The following SLC41A2 variants were observed in gnomAD, a reference collection of about 807,000 sequenced individuals.
SLC41A2 encodes the protein solute carrier family 41 member 2.
A neutral mutation model predicts 58.3 loss-of-function variants in SLC41A2; 32 were observed. That is an observed-to-expected ratio of 0.55 (90% CI 0.41 to 0.74). SLC41A2 has a LOEUF of 0.74. SLC41A2 is among the 30% of genes least tolerant of loss of function. The pLI is 0.00. For missense variants in SLC41A2, 514 were observed against 680.6 expected, an observed-to-expected ratio of 0.76 and a Z score of 2.72; for synonymous variants, 190 against 235.0, an observed-to-expected ratio of 0.81 and a Z score of 1.75.
At chr12:104,808,033 T>C (rs956764643) in intron 10 of SLC41A2, among the ~76,000 whole-genome samples, 13 of 152,214 alleles carry the variant, frequency 8.5e-5, no homozygotes, top group Non-Finnish European at 1.8e-4. Flanking sequence ...TGACTTCCTC[T>C]TTTCCTTAAT....
At chr12:104,918,633 A>AAAAT (rs1565900745) in intron 2 of SLC41A2, among the ~76,000 whole-genome samples, 1 of 151,070 alleles carries the variant, frequency 6.6e-6, no homozygotes, top group African/African-American at 2.4e-5. Context: ...TACATGAAAA[A>AAAAT]AAAAAAAAAA....
chr12:104,955,016 C>CTTTTT lies in SLC41A2; in HGVS notation c.-168+3067_-168+3071dup, dbSNP rs375969264. Among the ~76,000 whole-genome samples the CTTTTT allele has an allele frequency of 3.8e-3, 297 of 79,102 alleles. 5 individuals are homozygous for CTTTTT. Among genetic ancestry groups the CTTTTT allele is most frequent in the African/African-American group, 6.7e-3 (129 of 19,226 alleles). The allele number at this position is 79,102 out of a possible 152,430, so 51.9% of individuals were successfully genotyped here. A position where few individuals can be genotyped will look rare whatever the true frequency, so the allele number is the denominator to read the frequency against. ...AACAGCCCCTGACTCTTGGCCCTTG[C>CTTTTT]TTTTTTTTTTTTTTTTTTTTTTTTG... On this transcript the variant is annotated intron_variant, in intron 1 of 10. Coordinates refer to ENST00000258538, the MANE Select transcript of SLC41A2 (RefSeq NM_001352171.3).
intron 6 of SLC41A2, among the ~76,000 whole-genome samples, chr12:104,876,992 G>T (rs1449962068): frequency 6.6e-6 from 1 of 152,056 alleles, no homozygotes; most frequent in African/African-American, 2.4e-5. Flanking sequence ...ATTTACAATT[G>T]TTATATCTTC....
At chr12:104,815,815 A>T (rs2041375326) in intron 10 of SLC41A2, among the ~76,000 whole-genome samples, 1 of 152,180 alleles carries the variant, frequency 6.6e-6, no homozygotes, top group Non-Finnish European at 1.5e-5. Flanking sequence ...GCTAAGAATA[A>T]TTTAGCATTA....
At chr12:104,924,290 T>C (rs2046737741) in intron 2 of SLC41A2, among the ~76,000 whole-genome samples, 4 of 151,892 alleles carry the variant, frequency 2.6e-5, no homozygotes, top group Admixed American at 2.6e-4. Flanking sequence ...GAATATAGAG[T>C]ATTGAGATCT....
chr12:104,898,934 C>T (rs1298229160), intron 3 of SLC41A2, among the ~76,000 whole-genome samples: 1 of 152,160 alleles, frequency 6.6e-6, no homozygotes, highest in Non-Finnish European at 1.5e-5. Flanking sequence ...TAGCACTACA[C>T]ACCTATTAAA....
In SLC41A2 at chr12:104,843,241, C is replaced by A. The variant is rs190706152; in HGVS notation, c.1536+1231G>T. 5.3e-5 allele frequency among the ~76,000 whole-genome samples: 8 copies of A among 151,674 alleles called. 1 individual carries two copies. Among genetic ancestry groups the A allele is most frequent in the Admixed American group, 4.6e-4 (7 of 15,162 alleles). Reference sequence around the variant, plus strand: ...GTGGCCTTCCCTCTAGACTACGAGACCTTGAGCACAGAGTCTGAACTTATT... The same window carrying A: ...GTGGCCTTCCCTCTAGACTACGAGAACTTGAGCACAGAGTCTGAACTTATT... On this transcript the variant is annotated intron_variant, in intron 10 of 10. Transcript: ENST00000258538.
intron 7 of SLC41A2, among the ~76,000 whole-genome samples, chr12:104,864,968 C>T (rs890318280): frequency 6.6e-6 from 1 of 151,894 alleles, no homozygotes; most frequent in African/African-American, 2.4e-5. Context: ...TCTAGCAATC[C>T]TTTACTGGCT....
chr12:104,934,232 T>C, intron 1 of SLC41A2, among the ~76,000 whole-genome samples: 1 of 152,218 alleles, frequency 6.6e-6, no homozygotes, highest in East Asian at 1.9e-4. Context: ...CAGTTTCCAC[T>C]GGCTTTACTG....
At chr12:104,916,731 T>C (rs1336452140) in intron 2 of SLC41A2, among the ~76,000 whole-genome samples, 2 of 152,172 alleles carry the variant, frequency 1.3e-5, no homozygotes, top group African/African-American at 4.8e-5. Flanking sequence ...GGAAAGAATT[T>C]CCTATTTAAT....
chr12:104,824,788 C>A (rs2041778123), intron 10 of SLC41A2, among the ~76,000 whole-genome samples: 1 of 152,160 alleles, frequency 6.6e-6, no homozygotes, highest in South Asian at 2.1e-4. Context: ...AGCAGCTGGG[C>A]ACTGAAGAAG....
chr12:104,844,725 T>C (rs1396421404), intron 9 of SLC41A2, 105 bp from the exon 10 acceptor site: 4 of 471,912 alleles, frequency 8.5e-6, no homozygotes, highest in Non-Finnish European at 1.4e-5. Context: ...CTATACTTCA[T>C]ACTATCACAT....
intron 3 of SLC41A2, among the ~76,000 whole-genome samples, chr12:104,903,031 T>G (rs1474073738): frequency 6.6e-6 from 1 of 152,192 alleles, no homozygotes; most frequent in African/African-American, 2.4e-5. Context: ...TTGCTTTTAC[T>G]CCTCTCAGAT....
At chr12:104,821,978 T>G (rs1269500999) in intron 10 of SLC41A2, among the ~76,000 whole-genome samples, 2 of 152,214 alleles carry the variant, frequency 1.3e-5, no homozygotes, top group Non-Finnish European at 2.9e-5. Context: ...TAGTTACACC[T>G]GCCATGGACA....
At chr12:104,892,021 C>G (rs187221684) in intron 4 of SLC41A2, among the ~76,000 whole-genome samples, 2 of 151,908 alleles carry the variant, frequency 1.3e-5, no homozygotes, top group Non-Finnish European at 2.9e-5. Flanking sequence ...TAAAACAGGC[C>G]GGGAGCAGTG....
chr12:104,927,342 C>T (rs2046883293), intron 2 of SLC41A2, among the ~76,000 whole-genome samples: 1 of 152,048 alleles, frequency 6.6e-6, no homozygotes, highest in African/African-American at 2.4e-5. Flanking sequence ...TTGGTATATA[C>T]ATACAATGGA....
intron 2 of SLC41A2, among the ~76,000 whole-genome samples, chr12:104,924,140 C>A (rs1444049255): frequency 6.6e-6 from 1 of 152,060 alleles, no homozygotes; most frequent in African/African-American, 2.4e-5. Flanking sequence ...GAAAGATGGA[C>A]AAAGAAAGCT....
intron 10 of SLC41A2, among the ~76,000 whole-genome samples, chr12:104,813,451 A>C (rs1356982332): frequency 1.3e-5 from 2 of 152,184 alleles, no homozygotes; most frequent in Non-Finnish European, 2.9e-5. Context: ...GACAACTAGA[A>C]GTCAATAGAT....
intron 8 of SLC41A2, among the ~76,000 whole-genome samples, chr12:104,858,935 C>T (rs181200699): frequency 1.3e-5 from 2 of 152,186 alleles, no homozygotes; most frequent in East Asian, 3.9e-4. Flanking sequence ...TGCATTAAAG[C>T]CTTATAATAA....
Sources: gnomAD v4.1 joint callset for allele counts (sites outside exome capture counted in the v4.1 genomes callset) on GRCh38, gnomAD v4.1.1 for gene constraint, MANE v1.5 for transcripts, NCBI Gene and HGNC (gene_info 2026-07-23, HGNC 2026-07-21) for gene names.